The following POLDIP3 variants were observed in gnomAD, a reference collection of about 807,000 sequenced individuals.
POLDIP3 encodes the protein polymerase delta-interacting protein 3.
A neutral mutation model predicts 45.1 loss-of-function variants in POLDIP3; 14 were observed. That is an observed-to-expected ratio of 0.31 (90% CI 0.20 to 0.49). The LOEUF (loss-of-function observed/expected upper bound fraction) is 0.49, where lower values mean the gene tolerates loss of function less well. Among genes scored for constraint, POLDIP3 ranks in the 20% least tolerant of loss-of-function variants. The probability of loss-of-function intolerance (pLI) is 0.99; values close to 1 mark genes in which losing one functional copy is unlikely to be tolerated. For synonymous variants in POLDIP3, 223 were observed against 205.2 expected (o/e 1.09, Z -0.74); for missense variants, 511 against 538.8 (o/e 0.95, Z 0.51).
intron 2 of POLDIP3, 196 bp from the exon 3 acceptor site, chr22:42,602,252 G>T: frequency 1.2e-6 from 1 of 863,910 alleles, no homozygotes; most frequent in Non-Finnish European, 1.7e-6. Context: ...TAACGCACAT[G>T]TAGGGCTTAA....
rs2146793677 is a variant in POLDIP3 at position 42,584,735 on chromosome 22, G to GT, written c.*1055dup. On this transcript the variant is annotated 3_prime_UTR_variant, in exon 9 of 9. Transcript: ENST00000252115. ...GCCAAGGCAGGAAAATAATCCTCTGGTCATGGATGGATGGGGTCACTCACA... is the reference window on the plus strand; with the variant it reads ...GCCAAGGCAGGAAAATAATCCTCTGGTTCATGGATGGATGGGGTCACTCACA... 2.7e-6 allele frequency: 1 copy of GT among 368,120 alleles called. No individual in the cohort carries two copies. Among genetic ancestry groups the GT allele is most frequent in the Non-Finnish European group, 5.3e-6 (1 of 187,954 alleles). The allele number at this position is 368,120 out of a possible 1,614,324, so 22.8% of individuals were successfully genotyped here. A position where few individuals can be genotyped will look rare whatever the true frequency, so the allele number is the denominator to read the frequency against.
At position 42,602,969 on chromosome 22, in the gene POLDIP3, C is replaced by T. The variant is rs1926493501; in HGVS notation, c.251G>A (p.Arg84Gln). Residue 84 changes from arginine to glutamine, a missense_variant, in exon 2 of 9, where the codon CGA becomes CAA. Coordinates refer to ENST00000252115, the MANE Select transcript of POLDIP3 (RefSeq NM_032311.5). Reference sequence around the variant, plus strand: ...CTGCACTTTCCCTTTGATTCGAAATCGGGCATCTTTCTGCAAAAGCTTCTC... The same window carrying T: ...CTGCACTTTCCCTTTGATTCGAAATTGGGCATCTTTCTGCAAAAGCTTCTC... Reference protein sequence around the residue: ...AREKLLQKDARFRIKGKVQDA... With the variant: ...AREKLLQKDAQFRIKGKVQDA... 2 of 1,614,034 alleles carry T rather than the reference C, an allele frequency of 1.2e-6. No individual in the cohort carries two copies. Among genetic ancestry groups the T allele is most frequent in the East Asian group, 2.2e-5 (1 of 44,876 alleles).
intron 7 of POLDIP3, among the ~76,000 whole-genome samples, chr22:42,588,507 A>T (rs1925461109): frequency 6.6e-6 from 1 of 151,838 alleles, no homozygotes; most frequent in South Asian, 2.1e-4. Flanking sequence ...AATTATCAAT[A>T]TTAAATATGA....
chr22:42,602,486 T>C (rs895351407), intron 2 of POLDIP3, among the ~76,000 whole-genome samples: 4 of 152,188 alleles, frequency 2.6e-5, no homozygotes, highest in Non-Finnish European at 5.9e-5. Context: ...TCAATAAATC[T>C]TTTGTCCTTT....
chr22:42,591,669 T>C (rs745779401), intron 7 of POLDIP3, among the ~76,000 whole-genome samples: 1 of 152,266 alleles, frequency 6.6e-6, no homozygotes, highest in African/African-American at 2.4e-5. Context: ...AGGCAACAGC[T>C]GTGCCTCTTG....
chr22:42,592,893 C>T (rs1324016854), intron 6 of POLDIP3, among the ~76,000 whole-genome samples: 1 of 152,200 alleles, frequency 6.6e-6, no homozygotes, highest in Non-Finnish European at 1.5e-5. Context: ...CTGCAACTGC[C>T]TTCACAAGGT....
In POLDIP3 at chr22:42,584,977, GGTGTGGTTAA is replaced by G. The variant is rs1275994599; in HGVS notation, c.*804_*813del. The G allele has an allele frequency of 2.2e-6, 1 of 456,292 alleles. No individual in the cohort carries two copies. The allele number at this position is 456,292 out of a possible 1,614,324, so 28.3% of individuals were successfully genotyped here. On this transcript the variant is annotated 3_prime_UTR_variant, in exon 9 of 9. Transcript: ENST00000252115. ...AGAGCTGGCGGCTACACAAAACCAG[GGTGTGGTTAA>G]GTGCCAGGCGAGGTGAGAACCGGGA...
In POLDIP3 at chr22:42,585,854, T is replaced by C. The variant is rs201300764; in HGVS notation, c.1203A>G (p.Ala401=). ...CAGAGGCCCCTGAGGACTTGAAGAGTGCCTTCAGGATGGTGTCAGGGTCCA... is the reference window on the plus strand; with the variant it reads ...CAGAGGCCCCTGAGGACTTGAAGAGCGCCTTCAGGATGGTGTCAGGGTCCA... ...AEVDPDTILK[A]LFKSSGASVT... is the part of the protein sequence containing the mutation. Residue 401 remains alanine (A), a synonymous_variant, in exon 9 of 9, where the codon GCA becomes GCG. Coordinates refer to ENST00000252115, the MANE Select transcript of POLDIP3 (RefSeq NM_032311.5). 8 of 1,613,052 alleles carry C rather than the reference T, an allele frequency of 5.0e-6. No homozygotes were observed. In the East Asian group the frequency reaches 1.8e-4, roughly 36 times the overall value.
chr22:42,585,740 A>C lies in POLDIP3; in HGVS notation c.*51T>G. The C allele has an allele frequency of 6.4e-7, 1 of 1,566,262 alleles. No homozygotes were observed. The highest frequency in any genetic ancestry group is 8.7e-7 in the Non-Finnish European group (1 of 1,154,270). On this transcript the variant is annotated 3_prime_UTR_variant, in exon 9 of 9. Coordinates refer to ENST00000252115, the MANE Select transcript of POLDIP3 (RefSeq NM_032311.5). ...ATTGGTCATAAGCTTTGCCTTGGGG[A>C]AACAGAGCCACCCTCCTCTGCCCCC...
At chr22:42,614,685 G>T in intron 1 of POLDIP3, 114 bp downstream of exon 1, 2 of 1,188,098 alleles carry the variant, frequency 1.7e-6, no homozygotes, top group South Asian at 1.3e-5. Flanking sequence ...GCGCGGCTGT[G>T]GTCGGGGGCG....
chr22:42,605,097 T>A (rs1432081299), intron 1 of POLDIP3, among the ~76,000 whole-genome samples: 1 of 151,940 alleles, frequency 6.6e-6, no homozygotes, highest in Admixed American at 6.5e-5. Flanking sequence ...CTTCCCAGAC[T>A]CTCTGTGACA....
At chr22:42,608,114 AGAAAAGGGG>A (rs1244809410) in intron 1 of POLDIP3, among the ~76,000 whole-genome samples, 2 of 152,268 alleles carry the variant, frequency 1.3e-5, no homozygotes, top group African/African-American at 2.4e-5. Context: ...TTTGTCGAAT[AGAAAAGGGG>A]GAAATGTGGG....
chr22:42,594,729 C>T (rs764541936), intron 6 of POLDIP3, among the ~76,000 whole-genome samples: 2 of 152,146 alleles, frequency 1.3e-5, no homozygotes, highest in Non-Finnish European at 2.9e-5. Flanking sequence ...TCCAGAACCC[C>T]GCTCACAGAC....
intron 1 of POLDIP3, among the ~76,000 whole-genome samples, chr22:42,608,253 ACCC>A (rs200089986): frequency 9.9e-6 from 1 of 101,380 alleles, no homozygotes; most frequent in Non-Finnish European, 2.0e-5. Flanking sequence ...CTATAACCTT[ACCC>A]CCCCCCCCAA....
intron 7 of POLDIP3, among the ~76,000 whole-genome samples, chr22:42,589,975 A>C (rs952045403): frequency 1.3e-5 from 2 of 152,048 alleles, no homozygotes; most frequent in African/African-American, 4.8e-5. Context: ...TCCACCTAAC[A>C]ACAAGAAAAT....
chr22:42,595,711 G>C, intron 5 of POLDIP3, 97 bp from the exon 6 acceptor site: 1 of 1,116,976 alleles, frequency 9.0e-7, no homozygotes, highest in Non-Finnish European at 1.3e-6. Context: ...AGGCCCAGAG[G>C]AAAGCTCCAT....
chr22:42,602,200 T>G, intron 2 of POLDIP3, 144 bp from the exon 3 acceptor site: 1 of 1,279,042 alleles, frequency 7.8e-7, no homozygotes, highest in Non-Finnish European at 1.1e-6. Flanking sequence ...TCCTCCACAG[T>G]AGGAAGTAAC....
At chr22:42,601,087 C>T (rs1926336314) in intron 3 of POLDIP3, among the ~76,000 whole-genome samples, 1 of 151,456 alleles carries the variant, frequency 6.6e-6, no homozygotes, top group South Asian at 2.1e-4. Flanking sequence ...AGAGTGAAAC[C>T]CTGTATCAAA....
chr22:42,613,446 C>T (rs147621505), intron 1 of POLDIP3, among the ~76,000 whole-genome samples: 1 of 152,162 alleles, frequency 6.6e-6, no homozygotes, highest in Non-Finnish European at 1.5e-5. Context: ...TAACCACAGG[C>T]ATACGGGTGG....
Sources: allele counts gnomAD v4.1 joint callset (sites outside exome capture counted in the v4.1 genomes callset), GRCh38; gene constraint gnomAD v4.1.1; transcripts MANE v1.5; gene names NCBI Gene and HGNC (gene_info 2026-07-23, HGNC 2026-07-21).